Variants in RSRC1 observed in about 807,000 individuals in gnomAD.
RSRC1 encodes serine/Arginine-related protein 53.
In RSRC1, 39 loss-of-function variants were observed where a neutral mutation model predicts 49.1. The ratio of observed to expected loss-of-function variants is 0.79; its 90% CI spans 0.61 to 1.04. RSRC1 has a LOEUF of 1.04. Ranked by LOEUF, RSRC1 falls within the 50% of genes least tolerant of loss-of-function variation. RSRC1 has a pLI of 0.00. For synonymous variants in RSRC1, 143 were observed against 130.8 expected, an observed-to-expected ratio of 1.09 and a Z score of -0.63; for missense variants, 388 against 402.4, an observed-to-expected ratio of 0.96 and a Z score of 0.31.
chr3:158,157,366 A>G (rs1405334724), intron 3 of RSRC1, among the ~76,000 whole-genome samples: 1 of 152,208 alleles, frequency 6.6e-6, no homozygotes, highest in African/African-American at 2.4e-5. Flanking sequence ...TTACAACTGT[A>G]TCGAGGACTC....
chr3:158,333,377 A>C (rs986286730), intron 5 of RSRC1, among the ~76,000 whole-genome samples: 1 of 152,216 alleles, frequency 6.6e-6, no homozygotes, highest in Non-Finnish European at 1.5e-5. Flanking sequence ...AAAACTAGTG[A>C]TTACTATGAA....
intron 4 of RSRC1, among the ~76,000 whole-genome samples, chr3:158,250,590 A>T (rs532750972): frequency 3.5e-4 from 54 of 152,264 alleles, no homozygotes; most frequent in Admixed American, 1.5e-3. Flanking sequence ...CTTTTCAAAT[A>T]CCTGTTTGTC....
chr3:158,315,883 G>A (rs538431341), intron 5 of RSRC1, among the ~76,000 whole-genome samples: 1 of 152,206 alleles, frequency 6.6e-6, no homozygotes, highest in South Asian at 2.1e-4. Flanking sequence ...CGAAAATGCT[G>A]AAAATAGGCC....
chr3:158,229,289 C>CGTATATGTGTATGTATGTATATAAACCT (rs1553771830), intron 4 of RSRC1, among the ~76,000 whole-genome samples: 1,803 of 35,906 alleles, frequency 0.05, 77 homozygotes, highest in Admixed American at 0.08. Context: ...TAAACATACA[C>CGTATATGTGTATGTATGTATATAAACCT]ACACGTATAT....
intron 3 of RSRC1, among the ~76,000 whole-genome samples, chr3:158,181,586 T>C (rs1719627113): frequency 1.3e-5 from 1 of 78,356 alleles, no homozygotes; most frequent in South Asian, 3.6e-4. Context: ...TTAGATGTTA[T>C]CATCATAGTT....
intron 3 of RSRC1, among the ~76,000 whole-genome samples, chr3:158,161,573 C>A (rs1270242515): frequency 6.6e-6 from 1 of 151,934 alleles, no homozygotes; most frequent in African/African-American, 2.4e-5. Context: ...ACCAGCCTGG[C>A]CAACATGGTG....
chr3:158,140,677 A>G (rs1716688832), intron 3 of RSRC1, among the ~76,000 whole-genome samples: 2 of 152,178 alleles, frequency 1.3e-5, no homozygotes, highest in African/African-American at 4.8e-5. Flanking sequence ...TCTTCTGCCA[A>G]TTTCCTCTTA....
chr3:158,345,059 AAAAT>A (rs1279761345), intron 5 of RSRC1, among the ~76,000 whole-genome samples: 1 of 151,038 alleles, frequency 6.6e-6, no homozygotes, highest in Non-Finnish European at 1.5e-5. Flanking sequence ...TCTCTACTAA[AAAAT>A]AAAAAAAAAA....
rs1397453558 is a variant in RSRC1 at position 158,512,911 on chromosome 3, CTGTT to C, written c.653-24177_653-24174del. On this transcript the variant is annotated intron_variant, in intron 7 of 9. Coordinates refer to ENST00000611884, the MANE Select transcript of RSRC1 (RefSeq NM_001271838.2). Reference sequence around the variant, plus strand: ...GGGAGTTCACTCATGATTTGGCTCTCTGTTTGTCTGTTGTTGGTGTATAAGAATG... The same window carrying C: ...GGGAGTTCACTCATGATTTGGCTCTCTGTCTGTTGTTGGTGTATAAGAATG... Among the ~76,000 whole-genome samples, 6 of 145,664 alleles carry C rather than the reference CTGTT, an allele frequency of 4.1e-5. No individual in the cohort carries two copies. In the East Asian group the frequency reaches 7.9e-4, roughly 19 times the overall value.
chr3:158,332,007 A>G (rs911367627), intron 5 of RSRC1, among the ~76,000 whole-genome samples: 4 of 152,092 alleles, frequency 2.6e-5, no homozygotes, highest in African/African-American at 9.7e-5. Context: ...AAATAAAAGT[A>G]GAACTTAATT....
At chr3:158,349,307 T>G (rs1324310132) in intron 5 of RSRC1, among the ~76,000 whole-genome samples, 1 of 152,206 alleles carries the variant, frequency 6.6e-6, no homozygotes, top group Non-Finnish European at 1.5e-5. Flanking sequence ...GTTTTAAATT[T>G]GCATTTCTCT....
chr3:158,410,496 T>C (rs1734401186), intron 6 of RSRC1, among the ~76,000 whole-genome samples: 1 of 152,168 alleles, frequency 6.6e-6, no homozygotes, highest in South Asian at 2.1e-4. Flanking sequence ...ATTTTCATGA[T>C]TGTCTGATGT....
intron 6 of RSRC1, among the ~76,000 whole-genome samples, chr3:158,365,736 A>G (rs2108259275): frequency 6.6e-6 from 1 of 152,270 alleles, no homozygotes; most frequent in Admixed American, 6.5e-5. Context: ...ATCATCCACA[A>G]TGGTTGGATT....
At chr3:158,384,335 C>A (rs1180275515) in intron 6 of RSRC1, among the ~76,000 whole-genome samples, 1 of 152,070 alleles carries the variant, frequency 6.6e-6, no homozygotes, top group Non-Finnish European at 1.5e-5. Context: ...TGGTAAGGAT[C>A]AGCATGCTGA....
At chr3:158,429,249 C>T (rs2108353317) in intron 6 of RSRC1, among the ~76,000 whole-genome samples, 1 of 151,712 alleles carries the variant, frequency 6.6e-6, no homozygotes, top group African/African-American at 2.4e-5. Context: ...ATGATATACA[C>T]ATTAGGGCAT....
At chr3:158,470,585 G>A (rs1236128459) in intron 7 of RSRC1, among the ~76,000 whole-genome samples, 1 of 151,992 alleles carries the variant, frequency 6.6e-6, no homozygotes, top group Non-Finnish European at 1.5e-5. Context: ...TTTAGTTGGT[G>A]TAAAATTAAG....
At chr3:158,231,703 T>C in intron 4 of RSRC1, among the ~76,000 whole-genome samples, 1 of 152,142 alleles carries the variant, frequency 6.6e-6, no homozygotes, top group Non-Finnish European at 1.5e-5. Flanking sequence ...AGTAATATAT[T>C]ATTTCTTTTG....
chr3:158,354,886 A>G lies in RSRC1; in HGVS notation c.561A>G (p.Leu187=). Residue 187 remains leucine, a synonymous_variant, in exon 6 of 10, where the codon CTA becomes CTG. Transcript: ENST00000611884. ...LPPAEQAKAR[L]QLVLEAAAKA... is the part of the protein sequence containing the mutation. ...CAGCTGAACAGGCCAAAGCCAGACTACAGCTGGTTCTTGAAGCTGCTGGTA... is the reference window on the plus strand; with the variant it reads ...CAGCTGAACAGGCCAAAGCCAGACTGCAGCTGGTTCTTGAAGCTGCTGGTA... 1 of 1,544,236 alleles carries G rather than the reference A, an allele frequency of 6.5e-7. No individual in the cohort carries two copies. The highest frequency in any genetic ancestry group is 8.7e-7 in the Non-Finnish European group (1 of 1,149,830).
At chr3:158,216,283 A>T (rs698984) in intron 4 of RSRC1, among the ~76,000 whole-genome samples, 97,943 of 150,864 alleles carry the variant, frequency 0.65, 32,049 homozygotes, top group East Asian at 0.84. Flanking sequence ...TTTTTTTATG[A>T]TTAGCTTAAG....
Sources: gnomAD v4.1 joint callset for allele counts (sites outside exome capture counted in the v4.1 genomes callset) on GRCh38, gnomAD v4.1.1 for gene constraint, MANE v1.5 for transcripts, NCBI Gene and HGNC (gene_info 2026-07-23, HGNC 2026-07-21) for gene names.